MIAT: variants seen among roughly 807,000 people sequenced by gnomAD.
The protein encoded by MIAT is myocardial infarction associated transcript.
intron 2 of MIAT, among the ~76,000 whole-genome samples, chr22:26,647,804 G>A (rs1930262133): frequency 6.6e-6 from 1 of 152,074 alleles, no homozygotes; most frequent in African/African-American, 2.4e-5. Context: ...CCAGGACCAT[G>A]GTGGTGGTGA....
chr22:26,661,619 G>A (rs947996992), intron 2 of MIAT, among the ~76,000 whole-genome samples: 1 of 152,014 alleles, frequency 6.6e-6, no homozygotes, highest in African/African-American at 2.4e-5. Flanking sequence ...GTGAAGTGAT[G>A]AGCCCAGGGC....
At chr22:26,655,019 T>G (rs1354631018) in intron 2 of MIAT, among the ~76,000 whole-genome samples, 1 of 152,172 alleles carries the variant, frequency 6.6e-6, no homozygotes, top group Non-Finnish European at 1.5e-5. Context: ...GCCAAAACAT[T>G]TTTAAAAAAG....
At chr22:26,664,299 G>A (rs1252861452) in intron 3 of MIAT, among the ~76,000 whole-genome samples, 2 of 152,110 alleles carry the variant, frequency 1.3e-5, no homozygotes, top group Non-Finnish European at 2.9e-5. Flanking sequence ...GAGCCACTGC[G>A]CCCAGCTGAG....
chr22:26,675,910 A>G, exon 5 of MIAT: 1 of 398,660 alleles, frequency 2.5e-6, no homozygotes, highest in Admixed American at 4.4e-5. Context: ...GGACTAGGCC[A>G]ACATAGAGAT....
chr22:26,675,020 A>C (rs1240687788), exon 5 of MIAT: 1 of 398,590 alleles, frequency 2.5e-6, no homozygotes, highest in East Asian at 3.6e-5. Context: ...ATTGATGTGC[A>C]CCTACTCTGT....
downstream of MIAT, chr22:26,673,783 A>G: frequency 2.5e-6 from 1 of 398,640 alleles, no homozygotes. Flanking sequence ...TAAAGATGGT[A>G]GTTTTCTAAA....
intron 2 of MIAT, among the ~76,000 whole-genome samples, chr22:26,648,220 C>T (rs5761658): frequency 0.89 from 134,970 of 152,180 alleles, 59,948 homozygotes; most frequent in East Asian, 1. Context: ...TGGGAGGGCC[C>T]GGGAGCAGGT....
chr22:26,648,965 G>A (rs1374916374), intron 2 of MIAT, among the ~76,000 whole-genome samples: 1 of 150,728 alleles, frequency 6.6e-6, no homozygotes, highest in Admixed American at 6.6e-5. Context: ...CTACCAGGCT[G>A]AAGTCAAATC....
intron 2 of MIAT, among the ~76,000 whole-genome samples, chr22:26,660,528 A>G (rs1930627468): frequency 6.6e-6 from 1 of 151,938 alleles, no homozygotes; most frequent in Non-Finnish European, 1.5e-5. Flanking sequence ...AATGCTTTTG[A>G]AAAGTTACAT....
At chr22:26,654,268 G>A (rs1051850556) in intron 2 of MIAT, among the ~76,000 whole-genome samples, 14 of 152,140 alleles carry the variant, frequency 9.2e-5, no homozygotes, top group African/African-American at 3.4e-4. Context: ...AAGATACTTG[G>A]AGATAGGATC....
chr22:26,658,672 C>T (rs533758373), intron 2 of MIAT, among the ~76,000 whole-genome samples: 1 of 152,318 alleles, frequency 6.6e-6, no homozygotes, highest in East Asian at 1.9e-4. Context: ...GGATTCCCCA[C>T]CCTCATCCCA....
In MIAT at chr22:26,665,613, CT is replaced by C. The variant is rs200349833; in HGVS notation, n.815del. The stretch of plus-strand genomic sequence containing the variant: ...CGTTCACAACCACACTGAGAAGCAT[CT>C]TTGCAGATAAGTATTTAAACTTACC... On this transcript the variant is annotated non_coding_transcript_exon_variant, in exon 4 of 6. Transcript: ENST00000643270. The C allele has an allele frequency of 5.3e-4, 213 of 398,744 alleles. 1 individual carries two copies. The East Asian group carries it at 7.2e-3, about 13-fold the overall frequency. 24.7% of individuals were successfully genotyped at this position (398,744 alleles called of 1,614,324 possible).
chr22:26,653,305 T>G (rs761052306), intron 2 of MIAT, among the ~76,000 whole-genome samples: 1 of 152,196 alleles, frequency 6.6e-6, no homozygotes, highest in Non-Finnish European at 1.5e-5. Flanking sequence ...GTCCACTCCT[T>G]CCTTGCGTTA....
rs112782030 is a variant in MIAT at position 26,663,716 on chromosome 22, A to G, written n.729+318A>G. Among the ~76,000 whole-genome samples, 11 of 152,318 alleles carry G rather than the reference A, an allele frequency of 7.2e-5. No homozygotes were observed. In the East Asian group the frequency reaches 1.7e-3, roughly 24 times the overall value. On this transcript the variant is annotated intron_variant and non_coding_transcript_variant, in intron 3 of 5. Coordinates refer to ENST00000643270, the Ensembl canonical transcript of MIAT. ...TTCATCACATACAAATGAGTTTTAC[A>G]AAAATAACTTTATTGAGGTATAATT...
chr22:26,670,261 A>C (rs1373747838), downstream of MIAT: 1 of 398,316 alleles, frequency 2.5e-6, no homozygotes, highest in Non-Finnish European at 4.4e-6. Context: ...CTGAGCACCT[A>C]CTTTGGGCCC....
At chr22:26,667,414 G>C (rs10615678) in intron 5 of MIAT, 53,795 of 177,470 alleles carry the variant, frequency 0.3, 3,875 homozygotes, top group Non-Finnish European at 0.32. Flanking sequence ...GTGTGCGCGT[G>C]TATGTGTGTG....
chr22:26,667,901 G>C, intron 5 of MIAT: 1 of 301,356 alleles, frequency 3.3e-6, no homozygotes, highest in Non-Finnish European at 6.0e-6. Context: ...GAACTCCTGG[G>C]CTCAAGTGAT....
intron 2 of MIAT, among the ~76,000 whole-genome samples, chr22:26,649,333 G>A (rs1930295623): frequency 6.6e-6 from 1 of 152,218 alleles, no homozygotes; most frequent in Admixed American, 6.5e-5. Context: ...CTGGCTGGGA[G>A]GAAGGCAGAG....
exon 1 of MIAT, chr22:26,646,835 G>A (rs947189405): frequency 5.5e-5 from 22 of 398,446 alleles, no homozygotes; most frequent in Non-Finnish European, 7.5e-5. Flanking sequence ...TGTGGGAGTC[G>A]GCCTCTGTGT....
Sources: allele counts gnomAD v4.1 joint callset (sites outside exome capture counted in the v4.1 genomes callset), GRCh38; gene constraint gnomAD v4.1.1; transcripts MANE v1.5; gene names NCBI Gene and HGNC (gene_info 2026-07-23, HGNC 2026-07-21).